The following BCL11B variants were observed in gnomAD, a reference collection of about 807,000 sequenced individuals.
The protein encoded by BCL11B is B-cell lymphoma/leukemia 11B.
BCL11B carries 8 observed loss-of-function variants against 49.9 expected under a neutral mutation model. The observed-to-expected ratio is 0.16, with a 90% CI of 0.09 to 0.29. The LOEUF (loss-of-function observed/expected upper bound fraction) is 0.29. BCL11B is among the 10% of genes least tolerant of loss of function. BCL11B has a pLI of 1.00. For missense variants in BCL11B, 1,006 were observed against 1,351.0 expected (o/e 0.74, Z 4.00); for synonymous variants, 739 against 637.4 (o/e 1.16, Z -2.40).
rs1405237960 is a variant in BCL11B at position 99,247,373 on chromosome 14, G to C, written c.427+10098C>G. Among the ~76,000 whole-genome samples, 3 of 152,144 alleles carry C rather than the reference G, an allele frequency of 2.0e-5. No homozygotes were observed. The highest frequency in any genetic ancestry group is 4.4e-5 in the Non-Finnish European group (3 of 68,028). On this transcript the variant is annotated intron_variant, in intron 2 of 3. Transcript: ENST00000357195. This position sits in a 1 kb window ranked among gnomAD's most constrained non-coding sequence, Gnocchi z 4.5. ...GCCCCAGGAAAACTTAGTTTTGCTGGGTTTACCAACTCCAACAGTTTTTAG... is the reference window on the plus strand; with the variant it reads ...GCCCCAGGAAAACTTAGTTTTGCTGCGTTTACCAACTCCAACAGTTTTTAG...
chr14:99,181,875 C>T (rs1213524284), intron 3 of BCL11B, among the ~76,000 whole-genome samples: 1 of 152,212 alleles, frequency 6.6e-6, no homozygotes, highest in Non-Finnish European at 1.5e-5. Flanking sequence ...GCCAACCACT[C>T]AGTCCGCCTC....
chr14:99,245,665 G>A (rs912270275), intron 2 of BCL11B, among the ~76,000 whole-genome samples: 5 of 122,880 alleles, frequency 4.1e-5, no homozygotes, highest in Non-Finnish European at 8.4e-5. Flanking sequence ...CCACCCCGGC[G>A]AAGCGACCCG....
Position 99,174,487 on chromosome 14 carries a change from G to A in BCL11B, c.2349C>T (p.Gly783=), listed in dbSNP as rs1152782. ...GGSTPHLGGP[G]PGRPSSKEGR... is the part of the protein sequence containing the mutation. ...CCTCCTTGGAGCTGGGCCGCCCGGG[G>A]CCCGGGCCGCCCAGGTGCGGGGTGC... is the stretch of plus-strand genomic sequence containing the variant. The change falls in exon 4 of 4, where the codon GGC becomes GGT. Residue 783 remains glycine (G), a synonymous_variant. Coordinates refer to ENST00000357195, the MANE Select transcript of BCL11B (RefSeq NM_138576.4). The A allele has an allele frequency of 1.5e-5, 24 of 1,560,126 alleles. No homozygotes were observed. In the Middle Eastern group the frequency reaches 1.7e-3, roughly 112 times the overall value.
At chr14:99,266,721 G>A (rs905458621) in intron 1 of BCL11B, among the ~76,000 whole-genome samples, 1 of 152,246 alleles carries the variant, frequency 6.6e-6, no homozygotes, top group Admixed American at 6.5e-5. Flanking sequence ...GCCATGACAC[G>A]GGCACCGAGC....
chr14:99,189,681 C>G (rs1378768851), intron 3 of BCL11B, among the ~76,000 whole-genome samples: 2 of 152,204 alleles, frequency 1.3e-5, no homozygotes, highest in African/African-American at 2.4e-5. Context: ...GACTGCCCCC[C>G]ACCCCATGAG....
At chr14:99,217,431 G>A (rs1392406655) in intron 3 of BCL11B, among the ~76,000 whole-genome samples, 7 of 112,692 alleles carry the variant, frequency 6.2e-5, no homozygotes, top group Admixed American at 5.6e-4. Flanking sequence ...CTTTTATTAC[G>A]GGTCTGTGCC....
At chr14:99,220,923 T>C (rs1463181972) in intron 3 of BCL11B, among the ~76,000 whole-genome samples, 1 of 152,198 alleles carries the variant, frequency 6.6e-6, no homozygotes, top group African/African-American at 2.4e-5. Flanking sequence ...TGATCTCGGC[T>C]CACTGCAACC....
chr14:99,174,370 C>A lies in BCL11B; in HGVS notation c.2466G>T (p.Arg822=). ...TVHRRSHTGE[R]PYKCELCNYA... ...AGTTGCACAGCTCGCACTTGTAAGGCCGCTCGCCGGTGTGGCTCCGCCGGT... is the reference window on the plus strand; with the variant it reads ...AGTTGCACAGCTCGCACTTGTAAGGACGCTCGCCGGTGTGGCTCCGCCGGT... Residue 822 remains arginine, a synonymous_variant, in exon 4 of 4, where the codon CGG becomes CGT. Transcript: ENST00000357195. 2 of 1,613,562 alleles carry A rather than the reference C, an allele frequency of 1.2e-6. No individual in the cohort carries two copies. The highest frequency in any genetic ancestry group is 1.7e-6 in the Non-Finnish European group (2 of 1,179,940).
At position 99,262,620 on chromosome 14, in the gene BCL11B, G is replaced by A. The variant is rs1054914173; in HGVS notation, c.59-4781C>T. Among the ~76,000 whole-genome samples, 6 of 152,058 alleles carry A rather than the reference G, an allele frequency of 3.9e-5. No individual in the cohort carries two copies. Among genetic ancestry groups the A allele is most frequent in the African/African-American group, 1.2e-4 (5 of 41,398 alleles). On this transcript the variant is annotated intron_variant, in intron 1 of 3. Coordinates refer to ENST00000357195, the MANE Select transcript of BCL11B (RefSeq NM_138576.4). The surrounding 1 kb of genome is among the most constrained non-coding windows in gnomAD (Gnocchi z 4.2). Reference sequence around the variant, plus strand: ...ATCCATCCGCCCGAGCTCTGCATCCGACTGGAGACTTTACACCTGCTTCCT... The same window carrying A: ...ATCCATCCGCCCGAGCTCTGCATCCAACTGGAGACTTTACACCTGCTTCCT...
chr14:99,243,794 T>C (rs1469604304), intron 2 of BCL11B, among the ~76,000 whole-genome samples: 1 of 152,092 alleles, frequency 6.6e-6, no homozygotes, highest in African/African-American at 2.4e-5. Context: ...TTGAAGATGC[T>C]TAACACAGCA....
intron 3 of BCL11B, among the ~76,000 whole-genome samples, chr14:99,180,228 A>G (rs1886661193): frequency 6.6e-6 from 1 of 152,188 alleles, no homozygotes; most frequent in Admixed American, 6.5e-5. Context: ...CAAGGCCTAG[A>G]CTATTTAGAA....
intron 1 of BCL11B, among the ~76,000 whole-genome samples, chr14:99,259,275 C>T (rs1019184561): frequency 6.6e-6 from 1 of 152,042 alleles, no homozygotes; most frequent in Non-Finnish European, 1.5e-5. Flanking sequence ...AAATACATTC[C>T]GTGGCAGTGA....
chr14:99,235,898 A>T (rs542738790), intron 2 of BCL11B, among the ~76,000 whole-genome samples: 122 of 68,722 alleles, frequency 1.8e-3, no homozygotes, highest in South Asian at 4.2e-3. Context: ...GGAAAAAATT[A>T]AAAAAATTAA....
At chr14:99,234,788 T>C (rs937391845) in intron 2 of BCL11B, among the ~76,000 whole-genome samples, 2 of 127,746 alleles carry the variant, frequency 1.6e-5, no homozygotes, top group African/African-American at 3.1e-5. Context: ...TCTCTGAGCA[T>C]AGCAAAGCGC....
In BCL11B at chr14:99,181,218, G is replaced by A. The variant is rs149932953; in HGVS notation, c.641-5023C>T. On this transcript the variant is annotated intron_variant, in intron 3 of 3. Coordinates refer to ENST00000357195, the MANE Select transcript of BCL11B (RefSeq NM_138576.4). The stretch of plus-strand genomic sequence containing the variant: ...CACCCTCTCGACTCAAGCAGGGCCC[G>A]GGGTGATATCCTGAGGTTGGGGGGC... 8.5e-5 allele frequency among the ~76,000 whole-genome samples: 13 copies of A among 152,298 alleles called. No homozygotes were observed. The East Asian group carries it at 1.4e-3, about 16-fold the overall frequency.
Position 99,170,580 on chromosome 14 carries a change from A to T in BCL11B, c.*3571T>A, listed in dbSNP as rs915856268. ...AAATTAAATAAAAAATGAAAGAAAA[A>T]AAAAGGACCAATGGAGGATGAAGGA... On this transcript the variant is annotated 3_prime_UTR_variant, in exon 4 of 4. Coordinates refer to ENST00000357195, the MANE Select transcript of BCL11B (RefSeq NM_138576.4). The T allele has an allele frequency of 1.1e-4, 26 of 232,402 alleles. No individual in the cohort carries two copies. The highest frequency in any genetic ancestry group is 4.6e-4 in the African/African-American group (21 of 45,262). The allele number at this position is 232,402 out of a possible 1,614,324, so 14.4% of individuals were successfully genotyped here.
At chr14:99,265,739 A>G (rs1889461985) in intron 1 of BCL11B, among the ~76,000 whole-genome samples, 1 of 152,214 alleles carries the variant, frequency 6.6e-6, no homozygotes, top group African/African-American at 2.4e-5. Context: ...ATCATCAGAT[A>G]AATTGCTGGC....
At chr14:99,219,383 C>T (rs1887944767) in intron 3 of BCL11B, among the ~76,000 whole-genome samples, 1 of 152,146 alleles carries the variant, frequency 6.6e-6, no homozygotes, top group Non-Finnish European at 1.5e-5. Flanking sequence ...TGCCCATTTG[C>T]TACGGCAGCC....
At chr14:99,246,631 C>T (rs1477783766) in intron 2 of BCL11B, among the ~76,000 whole-genome samples, 14 of 152,216 alleles carry the variant, frequency 9.2e-5, no homozygotes, top group Admixed American at 9.2e-4. Context: ...GAGCTCTGCG[C>T]CCCTGGCCTC....
Sources: allele counts gnomAD v4.1 joint callset (sites outside exome capture counted in the v4.1 genomes callset), GRCh38; gene constraint gnomAD v4.1.1; non-coding constraint Gnocchi (gnomAD v3.1); transcripts MANE v1.5; gene names NCBI Gene and HGNC (gene_info 2026-07-23, HGNC 2026-07-21).